The following CELF2 variants were observed in gnomAD, a reference collection of about 807,000 sequenced individuals.
CELF2 encodes the protein CUG triplet repeat RNA-binding protein 2.
CELF2 carries 8 observed loss-of-function variants against 62.6 expected under a neutral mutation model. That is an observed-to-expected ratio of 0.13 (90% CI 0.07 to 0.23). The LOEUF (loss-of-function observed/expected upper bound fraction) is 0.23. Ranked by LOEUF, CELF2 falls within the 10% of genes least tolerant of loss-of-function variation. The probability of loss-of-function intolerance (pLI) is 1.00; values close to 1 mark genes in which losing one functional copy is unlikely to be tolerated. For missense variants in CELF2, 333 were observed against 671.0 expected (o/e 0.50, Z 5.56); for synonymous variants, 258 against 250.0 (o/e 1.03, Z -0.30).
chr10:11,030,509 CCT>C (rs1295790503), intron 1 of CELF2: 1 of 151,988 alleles, frequency 6.6e-6, no homozygotes, highest in African/African-American at 2.4e-5. Flanking sequence ...TGAGGTTGCA[CCT>C]CTGTTTCTCG....
chr10:10,991,438 G>A (rs906811602), intron 2 of CELF2, among the ~76,000 whole-genome samples: 3 of 152,126 alleles, frequency 2.0e-5, no homozygotes, highest in African/African-American at 7.2e-5. Context: ...GGGCTGCAGA[G>A]ACCTCTGGTA....
intron 2 of CELF2, chr10:10,946,295 G>A (rs1389817233): frequency 6.6e-6 from 1 of 152,230 alleles, no homozygotes; most frequent in Non-Finnish European, 1.5e-5. Context: ...GACCAATTTG[G>A]GGAATTTCTC....
chr10:11,078,559 A>G (rs1188651558), intron 1 of CELF2, among the ~76,000 whole-genome samples: 1 of 152,154 alleles, frequency 6.6e-6, no homozygotes, highest in African/African-American at 2.4e-5. Context: ...CAAATCCCCT[A>G]TCTTCCAAAA....
the CELF2 span, among the ~76,000 whole-genome samples, chr10:10,737,746 G>C: frequency 6.6e-6 from 1 of 151,702 alleles, no homozygotes; most frequent in African/African-American, 2.4e-5. Flanking sequence ...ACCTTGGCAG[G>C]TTCCCTGCCA....
rs375033546 is a variant in CELF2 at position 10,921,257 on chromosome 10, GTGTTTGTTTTT to G, written c.89+1270_89+1280del. 3.1e-3 allele frequency among the ~76,000 whole-genome samples: 466 copies of G among 150,790 alleles called. 3 individuals are homozygous for G. The highest frequency in any genetic ancestry group is 0.011 in the African/African-American group (451 of 41,026). On this transcript the variant is annotated intron_variant, in intron 2 of 13. Transcript: ENST00000636488. Reference sequence around the variant, plus strand: ...GGCATGAACCACTGTGCCCGGCCAGGTGTTTGTTTTTTGTTTGTTTTTGTTTGTTTTAGCTG... The same window carrying G: ...GGCATGAACCACTGTGCCCGGCCAGGTGTTTGTTTTTGTTTGTTTTAGCTG...
rs552039856 is a variant in CELF2, at chr10:10,859,588, G to T, written c.54-60376G>T. On this transcript the variant is annotated intron_variant, in intron 1 of 13. Coordinates refer to the CELF2 transcript ENST00000636488. ...TAGAAAAATGTTTTCCTGTTGATCT[G>T]TCATCCTATTAAATAACCACACACA... 6.2e-4 allele frequency among the ~76,000 whole-genome samples: 94 copies of T among 152,214 alleles called. 2 individuals are homozygous for T. In the South Asian group the frequency reaches 0.019, roughly 31 times the overall value.
intron 1 of CELF2, among the ~76,000 whole-genome samples, chr10:10,896,529 T>G (rs931937600): frequency 1.3e-5 from 2 of 151,366 alleles, no homozygotes; most frequent in Non-Finnish European, 2.9e-5. Flanking sequence ...GGGTGGGCCC[T>G]AAATCCAATA....
At chr10:10,717,247 T>A in the CELF2 span, among the ~76,000 whole-genome samples, 1 of 152,232 alleles carries the variant, frequency 6.6e-6, no homozygotes, top group African/African-American at 2.4e-5. Context: ...GAAGTAGCAA[T>A]GGCTCAGTTG....
At chr10:10,574,013 T>C in the CELF2 span, among the ~76,000 whole-genome samples, 1 of 152,232 alleles carries the variant, frequency 6.6e-6, no homozygotes, top group Non-Finnish European at 1.5e-5. Context: ...GAAGGATCAA[T>C]TTGATCTGAT....
the CELF2 span, among the ~76,000 whole-genome samples, chr10:10,699,858 T>G: frequency 6.6e-6 from 1 of 152,200 alleles, no homozygotes; most frequent in Non-Finnish European, 1.5e-5. Context: ...GGTGGCCTAT[T>G]GTGAAGAATA....
intron 2 of CELF2, chr10:10,935,209 G>A (rs1419109815): frequency 1.3e-5 from 2 of 152,164 alleles, no homozygotes. Context: ...TCATGTCTGG[G>A]GTTTCATCTG....
the CELF2 span, among the ~76,000 whole-genome samples, chr10:10,529,873 G>A: frequency 5.3e-5 from 8 of 152,110 alleles, no homozygotes; most frequent in African/African-American, 1.9e-4. Flanking sequence ...AGACTCCAAG[G>A]CAGTGCCACC....
At chr10:10,853,572 G>T (rs1193309721) in intron 1 of CELF2, among the ~76,000 whole-genome samples, 5 of 152,066 alleles carry the variant, frequency 3.3e-5, no homozygotes, top group African/African-American at 9.7e-5. Context: ...AAACATGGTG[G>T]CTGGGAATAA....
chr10:10,622,530 C>T, the CELF2 span, among the ~76,000 whole-genome samples: 2 of 151,734 alleles, frequency 1.3e-5, no homozygotes, highest in African/African-American at 4.8e-5. Context: ...TGGTGTGCAC[C>T]CACAGTCCCA....
At chr10:11,195,149 C>T (rs567743680) in intron 2 of CELF2, among the ~76,000 whole-genome samples, 43 of 152,282 alleles carry the variant, frequency 2.8e-4, no homozygotes, top group African/African-American at 1.0e-3. Flanking sequence ...CCTATCACAC[C>T]TCTAGGTGTG....
At chr10:10,605,886 G>A in the CELF2 span, among the ~76,000 whole-genome samples, 3 of 152,154 alleles carry the variant, frequency 2.0e-5, no homozygotes, top group East Asian at 1.9e-4. Context: ...CTGCGATAGG[G>A]CCTAGGAAAT....
At chr10:10,471,073 GTT>G in the CELF2 span, among the ~76,000 whole-genome samples, 89 of 151,280 alleles carry the variant, frequency 5.9e-4, 1 homozygote, top group African/African-American at 2.1e-3. Flanking sequence ...CATTCTAGAT[GTT>G]TCATTATTGC....
intron 2 of CELF2, among the ~76,000 whole-genome samples, chr10:10,978,891 T>C (rs1314743044): frequency 6.6e-6 from 1 of 152,160 alleles, no homozygotes; most frequent in Non-Finnish European, 1.5e-5. Flanking sequence ...TGGAAGCATA[T>C]CCCATGCCTT....
chr10:10,963,335 A>G (rs914714745), intron 2 of CELF2, among the ~76,000 whole-genome samples: 3 of 152,130 alleles, frequency 2.0e-5, no homozygotes, highest in Admixed American at 6.5e-5. Context: ...GATTACAGAC[A>G]TGAGCCACCG....
Sources: gnomAD v4.1 joint callset for allele counts (sites outside exome capture counted in the v4.1 genomes callset) on GRCh38, gnomAD v4.1.1 for gene constraint, MANE v1.5 for transcripts, NCBI Gene and HGNC (gene_info 2026-07-23, HGNC 2026-07-21) for gene names.